Variants in PANX2 observed in about 807,000 individuals in gnomAD.
The protein encoded by PANX2 is pannexin-2.
Under a neutral mutation model 38.7 loss-of-function variants are expected in PANX2, and 30 were observed. The observed-to-expected ratio is 0.78, with a 90% CI of 0.58 to 1.05. The LOEUF (loss-of-function observed/expected upper bound fraction) is 1.05, where lower values mean the gene tolerates loss of function less well. Among genes scored for constraint, PANX2 ranks in the 50% least tolerant of loss-of-function variants. PANX2 has a pLI of 0.00. For synonymous variants in PANX2, 539 were observed against 472.1 expected (o/e 1.14, Z -1.84); for missense variants, 880 against 979.3 (o/e 0.90, Z 1.35).
chr22:50,176,820 A>C, intron 1 of PANX2, 119 bp from the exon 2 acceptor site: 2 of 1,075,716 alleles, frequency 1.9e-6, no homozygotes, highest in South Asian at 1.7e-5. Context: ...GCTGTGTGGG[A>C]GGAGGCTGGA....
intron 1 of PANX2, among the ~76,000 whole-genome samples, chr22:50,173,020 C>T (rs1215046975): frequency 6.6e-6 from 1 of 152,126 alleles, no homozygotes; most frequent in East Asian, 1.9e-4. Flanking sequence ...CCTCAGCCTC[C>T]CAAGTAGCTG....
rs763079268 is a variant in PANX2, at chr22:50,179,028, C to T, written c.1785C>T (p.Pro595=). Residue 595 remains proline, a synonymous_variant, in exon 3 of 3, where the codon CCC becomes CCT. Transcript: ENST00000395842. ...SGGPFHVRSP[P]AAPAVAPLTP... is the part of the protein sequence containing the mutation. ...GCCCGTTCCACGTCCGCTCACCTCC[C>T]GCCGCCCCTGCTGTGGCCCCTCTGA... is the stretch of plus-strand genomic sequence containing the variant. The T allele has an allele frequency of 3.1e-6, 5 of 1,610,660 alleles. No individual in the cohort carries two copies. In the African/African-American group the frequency reaches 4.0e-5, roughly 13 times the overall value.
rs2063686312 is a variant in PANX2 at position 50,179,419 on chromosome 22, C to T, written c.*142C>T. 1.3e-6 allele frequency: 1 copy of T among 750,576 alleles called. No individual in the cohort carries two copies. The highest frequency in any genetic ancestry group is 2.7e-5 in the Admixed American group (1 of 36,966). The allele number at this position is 750,576 out of a possible 1,614,324, so 46.5% of individuals were successfully genotyped here. On this transcript the variant is annotated 3_prime_UTR_variant, in exon 3 of 3. Transcript: ENST00000395842. ...GCATCCCCAACCTCTGTCCGCATGC[C>T]TGGGGCCTTCGCCCCCACGTGCTCG...
chr22:50,178,768 G>C (rs1254598102), intron 2 of PANX2, among the ~76,000 whole-genome samples, 166 bp from the exon 3 acceptor site: 1 of 152,190 alleles, frequency 6.6e-6, no homozygotes, highest in Non-Finnish European at 1.5e-5. Context: ...AGTGGGGCGG[G>C]GGGTGTTCCC....
chr22:50,174,952 G>C lies in PANX2; in HGVS notation c.227-1987G>C, dbSNP rs969305371. Among the ~76,000 whole-genome samples, 23 of 152,222 alleles carry C rather than the reference G, an allele frequency of 1.5e-4. 1 individual carries two copies. Among genetic ancestry groups the C allele is most frequent in the Non-Finnish European group, 3.4e-4 (23 of 68,028 alleles). ...TGCCAGGAGCACCCTGTACCCTGCA[G>C]GTGCAGCGGGTCCAGGGAGGAGGGA... On this transcript the variant is annotated intron_variant, in intron 1 of 2. Coordinates refer to ENST00000395842, the MANE Select transcript of PANX2 (RefSeq NM_052839.4).
Position 50,179,520 on chromosome 22 carries a change from C to A in PANX2, c.*243C>A, listed in dbSNP as rs540710211. The A allele has an allele frequency of 9.4e-6, 5 of 533,710 alleles. No individual in the cohort carries two copies. The Admixed American group carries it at 1.1e-4, about 11-fold the overall frequency. 33.1% of individuals were successfully genotyped at this position (533,710 alleles called of 1,614,324 possible). A position where few individuals can be genotyped will look rare whatever the true frequency, so the allele number is the denominator to read the frequency against. On this transcript the variant is annotated 3_prime_UTR_variant, in exon 3 of 3. Transcript: ENST00000395842. ...AAGGTGGCCCAGTGGAGCCGGTGGC[C>A]AGGAAGGCTGAAGCCCGCTTCCCAT...
rs781041762 is a variant in PANX2 at position 50,177,687 on chromosome 22, G to C, written c.975G>C (p.Leu325=). The C allele has an allele frequency of 6.2e-7, 1 of 1,611,920 alleles. No homozygotes were observed. Among genetic ancestry groups the C allele is most frequent in the Admixed American group, 1.7e-5 (1 of 60,022 alleles). The change falls in exon 2 of 3, where the codon CTG becomes CTC. Residue 325 remains leucine, a synonymous_variant. Transcript: ENST00000395842. Reference sequence around the variant, plus strand: ...AGAGCAACTTCATCTTCGACAAGCTGCACAAGGTGGGCATCAAGACGCGCC... The same window carrying C: ...AGAGCAACTTCATCTTCGACAAGCTCCACAAGGTGGGCATCAAGACGCGCC... The part of the protein sequence containing the change: ...FRKSNFIFDK[L]HKVGIKTRRQ...
intron 1 of PANX2, among the ~76,000 whole-genome samples, chr22:50,174,995 C>T (rs2063654271): frequency 6.6e-6 from 1 of 152,198 alleles, no homozygotes; most frequent in Non-Finnish European, 1.5e-5. Context: ...CTGGACATGC[C>T]TTGGGGCCCC....
chr22:50,179,455 C>G lies in PANX2; in HGVS notation c.*178C>G. 2 of 608,912 alleles carry G rather than the reference C, an allele frequency of 3.3e-6. No individual in the cohort carries two copies. Among genetic ancestry groups the G allele is most frequent in the Non-Finnish European group, 5.6e-6 (2 of 354,720 alleles). The allele number at this position is 608,912 out of a possible 1,614,324, so 37.7% of individuals were successfully genotyped here. The stretch of plus-strand genomic sequence containing the variant: ...GCCCCCACGTGCTCGACAGGGGAAC[C>G]CGCCCGGACGGCATCGCCAGGCACT... On this transcript the variant is annotated 3_prime_UTR_variant, in exon 3 of 3. Transcript: ENST00000395842.
At position 50,177,101 on chromosome 22, in the gene PANX2, C is replaced by T; in HGVS notation, c.389C>T (p.Ala130Val). Residue 130 changes from alanine to valine, a missense_variant, in exon 2 of 3, where the codon GCC becomes GTC. Physicochemically the swap from Ala to Val is moderately conservative, Grantham distance 64. Around this residue, in one of 4 missense-constraint regions of PANX2, gnomAD observed 243 missense variants for 333.1 expected, o/e 0.73. Transcript: ENST00000395842. ...AAGTTCCTGCCCTACGCGCTGCTGGCCTTCGCCGCCATCATGTACGTGCCC... is the reference window on the plus strand; with the variant it reads ...AAGTTCCTGCCCTACGCGCTGCTGGTCTTCGCCGCCATCATGTACGTGCCC... ...EHKFLPYALL[A>V]FAAIMYVPAL... 1 of 1,610,518 alleles carries T rather than the reference C, an allele frequency of 6.2e-7. No individual in the cohort carries two copies. Among genetic ancestry groups the T allele is most frequent in the Admixed American group, 1.7e-5 (1 of 59,666 alleles).
rs923933235 is a variant in PANX2, at chr22:50,179,435, C to G, written c.*158C>G. ...TCCGCATGCCTGGGGCCTTCGCCCC[C>G]ACGTGCTCGACAGGGGAACCCGCCC... On this transcript the variant is annotated 3_prime_UTR_variant, in exon 3 of 3. Transcript: ENST00000395842. 8 of 682,228 alleles carry G rather than the reference C, an allele frequency of 1.2e-5. No individual in the cohort carries two copies. The South Asian group carries it at 1.3e-4, about 11-fold the overall frequency. 42.3% of individuals were successfully genotyped at this position (682,228 alleles called of 1,614,324 possible).
In PANX2 at chr22:50,179,091, C is replaced by A. The variant is rs748668099; in HGVS notation, c.1848C>A (p.Ile616=). 1.9e-6 allele frequency: 3 copies of A among 1,611,634 alleles called. No homozygotes were observed. Among genetic ancestry groups the A allele is most frequent in the Non-Finnish European group, 2.5e-6 (3 of 1,179,412 alleles). Residue 616 remains isoleucine (I), a synonymous_variant, in exon 3 of 3, where the codon ATC becomes ATA. Coordinates refer to ENST00000395842, the MANE Select transcript of PANX2 (RefSeq NM_052839.4). ...TGGGCAAGGCGGAGCCCCTCACCAT[C>A]CTGAGCCGAAACGCCACACACCCGC... The part of the protein sequence containing the change: ...ASLGKAEPLT[I]LSRNATHPLL...
At chr22:50,171,180 TCGTC>T (rs1230342522) in intron 1 of PANX2, among the ~76,000 whole-genome samples, 1 of 152,162 alleles carries the variant, frequency 6.6e-6, no homozygotes, top group African/African-American at 2.4e-5. Context: ...TTCCTTCCAT[TCGTC>T]CGCCCATGGC....
rs753573762 is a variant in PANX2, at chr22:50,170,907, G to C, written c.177G>C (p.Val59=). The part of the protein sequence containing the change: ...PFDRVVTIGT[V]LVPILLVTLV... ...ACCGGGTGGTCACCATCGGCACCGT[G>C]CTGGTGCCCATCCTGCTGGTCACCC... is the stretch of plus-strand genomic sequence containing the variant. The change falls in exon 1 of 3, where the codon GTG becomes GTC. Residue 59 remains valine (V), a synonymous_variant. Transcript: ENST00000395842. The C allele has an allele frequency of 5.9e-6, 9 of 1,529,608 alleles. No homozygotes were observed. The highest frequency in any genetic ancestry group is 7.9e-6 in the Non-Finnish European group (9 of 1,138,248). The allele number at this position is 1,529,608 out of a possible 1,614,324, so 94.8% of individuals were successfully genotyped here. A position where few individuals can be genotyped will look rare whatever the true frequency, so the allele number is the denominator to read the frequency against.
At chr22:50,178,473 A>C in intron 2 of PANX2, 71 bp downstream of exon 2, 4 of 1,077,820 alleles carry the variant, frequency 3.7e-6, no homozygotes, top group Non-Finnish European at 5.0e-6. Flanking sequence ...ACAGCGGCCC[A>C]CGGGAGCCTG....
At chr22:50,172,280 G>C (rs770047595) in intron 1 of PANX2, among the ~76,000 whole-genome samples, 23 of 152,220 alleles carry the variant, frequency 1.5e-4, no homozygotes, top group Non-Finnish European at 2.8e-4. Context: ...GTGTCGGCAG[G>C]GCCCTGCTCC....
Position 50,177,963 on chromosome 22 carries a change from C to T in PANX2, c.1251C>T (p.Ala417=), listed in dbSNP as rs926942146. Residue 417 remains alanine (A), a synonymous_variant, in exon 2 of 3, where the codon GCC becomes GCT. Coordinates refer to ENST00000395842, the MANE Select transcript of PANX2 (RefSeq NM_052839.4). ...PSANPAEPDG[A]AEPPVVKRPR... ...CCAACCCCGCCGAGCCCGACGGCGC[C>T]GCCGAGCCGCCCGTGGTCAAGCGGC... 2.0e-6 allele frequency: 3 copies of T among 1,533,432 alleles called. No individual in the cohort carries two copies. Among genetic ancestry groups the T allele is most frequent in the African/African-American group, 2.8e-5 (2 of 72,382 alleles). 95.0% of individuals were successfully genotyped at this position (1,533,432 alleles called of 1,614,324 possible). A position where few individuals can be genotyped will look rare whatever the true frequency, so the allele number is the denominator to read the frequency against.
At chr22:50,175,844 T>A (rs1190921536) in intron 1 of PANX2, among the ~76,000 whole-genome samples, 2 of 152,204 alleles carry the variant, frequency 1.3e-5, no homozygotes, top group African/African-American at 4.8e-5. Context: ...GCATCAACAG[T>A]GAATGCTGCT....
Position 50,178,180 on chromosome 22 carries a change from G to C in PANX2, c.1468G>C (p.Asp490His), listed in dbSNP as rs1241862628. 6.7e-7 allele frequency: 1 copy of C among 1,489,130 alleles called. No homozygotes were observed. Among genetic ancestry groups the C allele is most frequent in the Non-Finnish European group, 8.8e-7 (1 of 1,130,480 alleles). 92.2% of individuals were successfully genotyped at this position (1,489,130 alleles called of 1,614,324 possible). A position where few individuals can be genotyped will look rare whatever the true frequency, so the allele number is the denominator to read the frequency against. The change falls in exon 2 of 3, where the codon GAC becomes CAC. Residue 490 changes from aspartate to histidine, a missense_variant. Coordinates refer to ENST00000395842, the MANE Select transcript of PANX2 (RefSeq NM_052839.4). ...SAHHYKGGGG[D>H]PGPGPAPAPA... ...CCACCACTACAAGGGCGGAGGGGGC[G>C]ACCCGGGCCCCGGCCCCGCCCCTGC... is the stretch of plus-strand genomic sequence containing the variant.
Sources: allele counts gnomAD v4.1 joint callset (sites outside exome capture counted in the v4.1 genomes callset), GRCh38; gene constraint gnomAD v4.1.1; regional missense constraint gnomAD v4.1.1; transcripts MANE v1.5; gene names NCBI Gene and HGNC (gene_info 2026-07-23, HGNC 2026-07-21).